SLC6A12: variants seen among roughly 807,000 people sequenced by gnomAD.
SLC6A12 encodes the protein sodium- and chloride-dependent betaine transporter.
Under a neutral mutation model 73.3 loss-of-function variants are expected in SLC6A12, and 50 were observed. That is an observed-to-expected ratio of 0.68 (90% CI 0.54 to 0.86). The LOEUF is 0.86. SLC6A12 is among the 40% of genes least tolerant of loss of function. SLC6A12 has a pLI of 0.00. For missense variants in SLC6A12, 648 were observed against 772.8 expected, an observed-to-expected ratio of 0.84 and a Z score of 1.92; for synonymous variants, 304 against 309.2, an observed-to-expected ratio of 0.98 and a Z score of 0.18.
chr12:193,376 C>A lies in SLC6A12; in HGVS notation c.1431G>T (p.Gly477=). 5.6e-6 allele frequency: 9 copies of A among 1,612,786 alleles called. No individual in the cohort carries two copies. The highest frequency in any genetic ancestry group is 6.8e-6 in the Non-Finnish European group (8 of 1,178,976). ...CAATGTTGTCATAGAAACGGTCCGC[C>A]CCTGAGCAGGCATGGCGTGGGAGAG... is the stretch of plus-strand genomic sequence containing the variant. ...FEVVCISWVY[G]ADRFYDNIED... is the part of the protein sequence containing the mutation. The change falls in exon 14 of 16, where the codon GGG becomes GGT. Residue 477 remains glycine, a splice_region_variant and synonymous_variant. Coordinates refer to ENST00000684302, the MANE Select transcript of SLC6A12 (RefSeq NM_001122848.3).
downstream of SLC6A12, among the ~76,000 whole-genome samples, chr12:186,723 G>C (rs557361690): frequency 1.4e-3 from 212 of 152,362 alleles, 3 homozygotes; most frequent in South Asian, 8.1e-3. Context: ...CGTGGGCGCT[G>C]CTGATGTTAA....
intron 7 of SLC6A12, among the ~76,000 whole-genome samples, chr12:199,401 C>T (rs1407843418): frequency 6.6e-6 from 1 of 152,192 alleles, no homozygotes; most frequent in Non-Finnish European, 1.5e-5. Context: ...CTCCTTGCCC[C>T]CTGGCGACCC....
At chr12:199,218 A>T (rs1003277534) in intron 7 of SLC6A12, among the ~76,000 whole-genome samples, 1 of 152,102 alleles carries the variant, frequency 6.6e-6, no homozygotes, top group African/African-American at 2.4e-5. Flanking sequence ...GTCCAAGACC[A>T]TTTTTTTCCT....
At chr12:192,918 C>T (rs1385117787) in intron 14 of SLC6A12, 2 of 435,578 alleles carry the variant, frequency 4.6e-6, no homozygotes, top group African/African-American at 2.1e-5. Flanking sequence ...GGGAGGGGCT[C>T]GGAAGAGCAT....
At chr12:204,722 C>T in intron 3 of SLC6A12, 24 bp from the exon 4 acceptor site, 6 of 1,613,110 alleles carry the variant, frequency 3.7e-6, no homozygotes, top group Non-Finnish European at 5.1e-6. Context: ...AGAGGCAGGG[C>T]TGAGCCACAC....
chr12:200,359 C>G (rs11061911), intron 7 of SLC6A12, among the ~76,000 whole-genome samples: 2,065 of 152,232 alleles, frequency 0.014, 19 homozygotes, highest in Non-Finnish European at 0.018. Flanking sequence ...CCGCCAGCCT[C>G]GGCCTCCCAA....
Position 204,546 on chromosome 12 carries a change from G to C in SLC6A12, c.349+18C>G, listed in dbSNP as rs369834262. 58 of 1,613,224 alleles carry C rather than the reference G, an allele frequency of 3.6e-5. No homozygotes were observed. In the African/African-American group the frequency reaches 7.3e-4, roughly 20 times the overall value. ...AGATGGCGGCCCCATGAAGGGGAAGGTGGGGGAGGATACATACCCTGGAAG... is the reference window on the plus strand; with the variant it reads ...AGATGGCGGCCCCATGAAGGGGAAGCTGGGGGAGGATACATACCCTGGAAG... On this transcript the variant is annotated intron_variant, in intron 4 of 15. Transcript: ENST00000684302.
intron 3 of SLC6A12, among the ~76,000 whole-genome samples, chr12:208,450 G>A (rs899941787): frequency 2.0e-5 from 3 of 152,130 alleles, no homozygotes; most frequent in African/African-American, 7.2e-5. Context: ...GTGTTTAGGA[G>A]GATTTTCTCA....
At chr12:196,923 G>T in intron 10 of SLC6A12, 41 bp from the exon 11 acceptor site, 1 of 1,450,004 alleles carries the variant, frequency 6.9e-7, no homozygotes, top group Non-Finnish European at 9.7e-7. Context: ...TCCAGGGCGT[G>T]TGCTGCCCTT....
rs143357433 is a variant in SLC6A12, at chr12:192,519, C to T, written c.1660G>A (p.Val554Ile). 3.3e-5 allele frequency: 54 copies of T among 1,614,020 alleles called. 1 individual carries two copies. The East Asian group carries it at 3.6e-4, about 11-fold the overall frequency. ...CGAGTCTTCAGGAGGGTGATGACGACGAAGAGTGGGACACAGACCATGGAG... is the reference window on the plus strand; with the variant it reads ...CGAGTCTTCAGGAGGGTGATGACGATGAAGAGTGGGACACAGACCATGGAG... Reference protein sequence around the residue: ...LSSMVCVPLFVVITLLKTRGP... With the variant: ...LSSMVCVPLFIVITLLKTRGP... The change falls in exon 15 of 16, where the codon GTC becomes ATC. Residue 554 changes from valine (V) to isoleucine (I), a missense_variant. By Grantham distance (29) the Val-to-Ile change is conservative. Coordinates refer to ENST00000684302, the MANE Select transcript of SLC6A12 (RefSeq NM_001122848.3).
In SLC6A12 at chr12:198,609, T is replaced by C. The variant is rs1353958432; in HGVS notation, c.846+188A>G. 2 of 566,842 alleles carry C rather than the reference T, an allele frequency of 3.5e-6. No homozygotes were observed. The highest frequency in any genetic ancestry group is 5.9e-6 in the Non-Finnish European group (2 of 336,392). The allele number at this position is 566,842 out of a possible 1,614,324, so 35.1% of individuals were successfully genotyped here. ...AATTTTTTAAGAAAAAAAGTTATAT[T>C]TGAGTGGTGGAATTACAAGAGATTT... On this transcript the variant is annotated intron_variant, in intron 8 of 15. Transcript: ENST00000684302. This position sits in a 1 kb window ranked among gnomAD's most constrained non-coding sequence, Gnocchi z 4.0.
At chr12:194,108 G>A (rs568136569) in intron 13 of SLC6A12, 6 of 152,338 alleles carry the variant, frequency 3.9e-5, no homozygotes, top group African/African-American at 1.4e-4. Context: ...CACCATTAAA[G>A]AGTGGTTCCT....
downstream of SLC6A12, among the ~76,000 whole-genome samples, chr12:187,631 AC>A (rs547013209): frequency 8.1e-3 from 395 of 48,928 alleles, 34 homozygotes; most frequent in African/African-American, 0.027. Flanking sequence ...AAAAAAAAAA[AC>A]AAACCACACA....
At position 196,833 on chromosome 12, in the gene SLC6A12, G is replaced by T; in HGVS notation, c.1125C>A (p.Pro375=). The change falls in exon 11 of 16, where the codon CCC becomes CCA. Residue 375 remains proline (P), a synonymous_variant. Coordinates refer to ENST00000684302, the MANE Select transcript of SLC6A12 (RefSeq NM_001122848.3). ...ACAGGCAGGACCACAGCTGGGATAA[G>T]GGCATCATAGTCACAGCCTTGGGGA... ...IAFPKAVTMM[P]LSQLWSCLFF... 1 of 1,613,966 alleles carries T rather than the reference G, an allele frequency of 6.2e-7. No individual in the cohort carries two copies. The highest frequency in any genetic ancestry group is 1.1e-5 in the South Asian group (1 of 91,072).
intron 10 of SLC6A12, among the ~76,000 whole-genome samples, chr12:197,175 A>AGTGTTGG (rs1939950314): frequency 1.5e-5 from 1 of 67,836 alleles, no homozygotes; most frequent in Non-Finnish European, 3.5e-5. Flanking sequence ...CCATCCATCC[A>AGTGTTGG]TCCATCCATC....
At chr12:200,271 G>A (rs578037442) in intron 7 of SLC6A12, among the ~76,000 whole-genome samples, 3 of 150,952 alleles carry the variant, frequency 2.0e-5, no homozygotes, top group Non-Finnish European at 4.4e-5. Flanking sequence ...ACCACGCCCG[G>A]CTAATTTTTT....
intron 9 of SLC6A12, among the ~76,000 whole-genome samples, 183 bp downstream of exon 9, chr12:197,717 G>C (rs188133427): frequency 6.6e-6 from 1 of 152,168 alleles, no homozygotes; most frequent in African/African-American, 2.4e-5. Context: ...ACAACAAAGA[G>C]AGAAGTGAGA....
chr12:185,647 CCCT>C, downstream of SLC6A12, among the ~76,000 whole-genome samples: 1 of 152,296 alleles, frequency 6.6e-6, no homozygotes, highest in Middle Eastern at 3.4e-3. Flanking sequence ...GAGCAAGCTC[CCCT>C]CTCTGTCTGT....
downstream of SLC6A12, among the ~76,000 whole-genome samples, chr12:187,415 G>A (rs569323910): frequency 2.6e-5 from 4 of 151,752 alleles, no homozygotes; most frequent in African/African-American, 9.7e-5. Flanking sequence ...GGACCTTCGC[G>A]ATGAGTGCTA....
Sources: allele counts gnomAD v4.1 joint callset (sites outside exome capture counted in the v4.1 genomes callset), GRCh38; gene constraint gnomAD v4.1.1; non-coding constraint Gnocchi (gnomAD v3.1); transcripts MANE v1.5; gene names NCBI Gene and HGNC (gene_info 2026-07-23, HGNC 2026-07-21).